Variants in BTBD8 observed in about 807,000 individuals in gnomAD.
BTBD8 encodes the protein BTB domain containing 8.
Under a neutral mutation model 162.9 loss-of-function variants are expected in BTBD8, and 110 were observed. The ratio of observed to expected loss-of-function variants is 0.68; its 90% CI spans 0.58 to 0.79. The LOEUF (loss-of-function observed/expected upper bound fraction) is 0.79. Among genes scored for constraint, BTBD8 ranks in the 30% least tolerant of loss-of-function variants. BTBD8 has a pLI of 0.00. For missense variants in BTBD8, 1,905 were observed against 2,085.4 expected, an observed-to-expected ratio of 0.91 and a Z score of 1.68; for synonymous variants, 667 against 716.1, an observed-to-expected ratio of 0.93 and a Z score of 1.10.
intron 4 of BTBD8, among the ~76,000 whole-genome samples, chr1:92,123,594 T>G (rs751246010): frequency 6.6e-6 from 1 of 151,964 alleles, no homozygotes; most frequent in African/African-American, 2.4e-5. Flanking sequence ...TTGATACTAG[T>G]GTAAATGGAA....
rs778723037 is a variant in BTBD8 at position 92,180,469 on chromosome 1, G to A, written c.2786G>A (p.Gly929Asp). 9 of 1,550,578 alleles carry A rather than the reference G, an allele frequency of 5.8e-6. No individual in the cohort carries two copies. The South Asian group carries it at 1.1e-4, about 18-fold the overall frequency. ...AAAAATCTAAATCAGTCAAAGAAAG[G>A]TGAAACTTTGAATAATAAAGATTCA... ...MPKNLNQSKK[G>D]ETLNNKDSKQ... The change falls in exon 17 of 18, where the codon GGT becomes GAT. Residue 929 changes from glycine (G) to aspartate (D), a missense_variant. Physicochemically the swap from Gly to Asp is moderately conservative, Grantham distance 94. Transcript: ENST00000636805.
intron 3 of BTBD8, among the ~76,000 whole-genome samples, chr1:92,103,249 T>C (rs1162343531): frequency 6.6e-6 from 1 of 152,196 alleles, no homozygotes; most frequent in East Asian, 1.9e-4. Context: ...ATTTGTTGGG[T>C]TAAAGGATCT....
chr1:92,180,251 C>G lies in BTBD8; in HGVS notation c.2582-14C>G, dbSNP rs1382253950. On this transcript the variant is annotated splice_polypyrimidine_tract_variant and intron_variant, in intron 16 of 17. Transcript: ENST00000636805. ...GATATTACATTACTGAATATACCCT[C>G]TTACTTTTCTTAGGATCCCAAGGAG... 1.3e-6 allele frequency: 2 copies of G among 1,514,556 alleles called. No individual in the cohort carries two copies. The highest frequency in any genetic ancestry group is 1.8e-6 in the Non-Finnish European group (2 of 1,131,846). The allele number at this position is 1,514,556 out of a possible 1,614,324, so 93.8% of individuals were successfully genotyped here.
intron 9 of BTBD8, among the ~76,000 whole-genome samples, chr1:92,152,339 G>C (rs941603444): frequency 2.6e-5 from 4 of 152,146 alleles, no homozygotes; most frequent in African/African-American, 9.7e-5. Flanking sequence ...ACAGTGCCTA[G>C]CACATGTTAG....
intron 1 of BTBD8, among the ~76,000 whole-genome samples, chr1:92,087,335 A>G (rs1250951704): frequency 6.6e-6 from 1 of 152,186 alleles, no homozygotes; most frequent in Non-Finnish European, 1.5e-5. Context: ...GGAGGAAAGA[A>G]CAAATTGAGT....
chr1:92,094,897 A>T (rs1166213679), intron 2 of BTBD8, among the ~76,000 whole-genome samples: 1 of 152,232 alleles, frequency 6.6e-6, no homozygotes, highest in Non-Finnish European at 1.5e-5. Flanking sequence ...AGAACAAAGG[A>T]TATCATTTCC....
chr1:92,147,221 T>G lies in BTBD8; in HGVS notation c.972T>G (p.Ile324Met), dbSNP rs751480772. The G allele has an allele frequency of 3.1e-6, 5 of 1,612,558 alleles. No homozygotes were observed. Among genetic ancestry groups the G allele is most frequent in the Admixed American group, 3.3e-5 (2 of 59,742 alleles). ...TGACGTCTATACTAGAATGCCTGAT[T>G]ATTGCTCATTCAGTTGGAGTGGAAA... ...RTLTSILECLIIAHSVGVESL... is the reference protein window; with the variant it reads ...RTLTSILECLMIAHSVGVESL... Residue 324 changes from isoleucine to methionine, a missense_variant, in exon 8 of 18, where the codon ATT becomes ATG. Ile to Met is a conservative substitution (Grantham distance 10). Around this residue, in one of 3 missense-constraint regions of BTBD8, gnomAD observed 1,374 missense variants for 1,442.7 expected, o/e 0.95. Coordinates refer to ENST00000636805, the MANE Select transcript of BTBD8 (RefSeq NM_001376131.1).
chr1:92,084,499 G>C (rs921594905), intron 1 of BTBD8, among the ~76,000 whole-genome samples: 3 of 152,160 alleles, frequency 2.0e-5, no homozygotes, highest in Non-Finnish European at 4.4e-5. Context: ...CCCTGGGTTA[G>C]GGTTGTATGA....
At chr1:92,145,980 C>CAAAA (rs1171599849) in intron 7 of BTBD8, among the ~76,000 whole-genome samples, 1 of 134,296 alleles carries the variant, frequency 7.4e-6, no homozygotes. Flanking sequence ...GAATCTGTCT[C>CAAAA]AAAAAAAAAA....
chr1:92,154,010 G>A (rs1238499918), intron 9 of BTBD8, among the ~76,000 whole-genome samples: 8 of 152,128 alleles, frequency 5.3e-5, no homozygotes, highest in Admixed American at 5.2e-4. Context: ...CCATGGTGAT[G>A]AGTGAGTTCT....
At chr1:92,106,268 C>T (rs145034136) in intron 3 of BTBD8, among the ~76,000 whole-genome samples, 11 of 152,134 alleles carry the variant, frequency 7.2e-5, no homozygotes, top group Non-Finnish European at 1.0e-4. Context: ...ATTTAATGCA[C>T]GATGGATGGC....
intron 4 of BTBD8, among the ~76,000 whole-genome samples, chr1:92,111,005 T>C (rs759281108): frequency 7.9e-5 from 12 of 152,094 alleles, no homozygotes; most frequent in African/African-American, 2.9e-4. Context: ...TTTTTTTTTT[T>C]TCCTAAGACA....
chr1:92,121,016 G>A (rs974325395), intron 4 of BTBD8, among the ~76,000 whole-genome samples: 3 of 152,146 alleles, frequency 2.0e-5, no homozygotes, highest in East Asian at 3.8e-4. Context: ...GCCCGCCTCA[G>A]CCTCCCCCAG....
chr1:92,166,871 A>G (rs1650399094), intron 9 of BTBD8, 87 bp from the exon 10 acceptor site: 7 of 1,349,558 alleles, frequency 5.2e-6, no homozygotes, highest in African/African-American at 2.9e-5. Flanking sequence ...GAAACATCCC[A>G]TAACAACAAA....
intron 13 of BTBD8, among the ~76,000 whole-genome samples, chr1:92,174,699 T>C (rs969423338): frequency 6.6e-6 from 1 of 152,094 alleles, no homozygotes; most frequent in Non-Finnish European, 1.5e-5. Flanking sequence ...GTTTTAAATG[T>C]TAGAATCCTA....
At chr1:92,086,378 T>A (rs1648161480) in intron 1 of BTBD8, among the ~76,000 whole-genome samples, 1 of 152,198 alleles carries the variant, frequency 6.6e-6, no homozygotes, top group Non-Finnish European at 1.5e-5. Flanking sequence ...GTGCAAGCCC[T>A]GCCTCAGCGT....
Position 92,147,191 on chromosome 1 carries a change from A to G in BTBD8, c.942A>G (p.Arg314=), listed in dbSNP as rs775409415. Reference sequence around the variant, plus strand: ...TCCATCAATTTTAGCCTGTTCCCAGAACATTGACGTCTATACTAGAATGCC... The same window carrying G: ...TCCATCAATTTTAGCCTGTTCCCAGGACATTGACGTCTATACTAGAATGCC... ...YCNFFQKPVP[R]TLTSILECLI... Residue 314 remains arginine, a synonymous_variant, in exon 8 of 18, where the codon AGA becomes AGG. Transcript: ENST00000636805. 14 of 1,605,158 alleles carry G rather than the reference A, an allele frequency of 8.7e-6. No individual in the cohort carries two copies. Among genetic ancestry groups the G allele is most frequent in the Non-Finnish European group, 1.2e-5 (14 of 1,176,346 alleles).
intron 4 of BTBD8, chr1:92,115,458 G>C (rs1253396711): frequency 2.1e-6 from 1 of 480,254 alleles, no homozygotes; most frequent in South Asian, 1.5e-5. Flanking sequence ...GACCCTTTTG[G>C]CTCCACCCTC....
chr1:92,128,359 A>G (rs112027241), intron 4 of BTBD8, among the ~76,000 whole-genome samples: 9 of 152,116 alleles, frequency 5.9e-5, no homozygotes, highest in African/African-American at 2.2e-4. Flanking sequence ...GCTCACTGCA[A>G]GCTCCGCCTC....
Sources: gnomAD v4.1 joint callset for allele counts (sites outside exome capture counted in the v4.1 genomes callset) on GRCh38, gnomAD v4.1.1 for gene constraint, gnomAD v4.1.1 regional missense constraint, MANE v1.5 for transcripts, NCBI Gene and HGNC (gene_info 2026-07-23, HGNC 2026-07-21) for gene names.